The following SPOPL variants were observed in gnomAD, a reference collection of about 807,000 sequenced individuals.
The protein encoded by SPOPL is speckle-type POZ protein-like.
In SPOPL, 23 loss-of-function variants were observed where a neutral mutation model predicts 53.8. That is an observed-to-expected ratio of 0.43 (90% CI 0.31 to 0.61). SPOPL has a LOEUF of 0.61. Ranked by LOEUF, SPOPL falls within the 20% of genes least tolerant of loss-of-function variation. The pLI, the probability that SPOPL is intolerant of heterozygous loss-of-function variation, is 0.12. For missense variants in SPOPL, 442 were observed against 466.9 expected (o/e 0.95, Z 0.49); for synonymous variants, 164 against 149.7 (o/e 1.10, Z -0.70).
chr2:138,551,020 T>C lies in SPOPL; in HGVS notation c.318T>C (p.Leu106=). ...TTCGAGCAAAATTCAAATTTTCCCTTCTGAATGCTAAAAGGGAAGAAACAA... is the reference window on the plus strand; with the variant it reads ...TTCGAGCAAAATTCAAATTTTCCCTCCTGAATGCTAAAAGGGAAGAAACAA... ...SEVRAKFKFS[L]LNAKREETKA... is the part of the protein sequence containing the mutation. Residue 106 remains leucine (L), a synonymous_variant, in exon 4 of 11, where the codon CTT becomes CTC. Coordinates refer to ENST00000280098, the MANE Select transcript of SPOPL (RefSeq NM_001001664.3). 1 of 1,613,314 alleles carries C rather than the reference T, an allele frequency of 6.2e-7. No homozygotes were observed. Among genetic ancestry groups the C allele is most frequent in the Non-Finnish European group, 8.5e-7 (1 of 1,179,482 alleles).
chr2:138,529,536 T>TGCGCGCA (rs72375808), intron 1 of SPOPL, among the ~76,000 whole-genome samples: 10 of 97,586 alleles, frequency 1.0e-4, no homozygotes, highest in Non-Finnish European at 2.0e-4. Context: ...GTGTGTGTGT[T>TGCGCGCA]TGCGTGCGCG....
intron 1 of SPOPL, among the ~76,000 whole-genome samples, chr2:138,509,498 G>A (rs1558860032): frequency 6.6e-6 from 1 of 151,998 alleles, no homozygotes. Context: ...TTTCCTGTTT[G>A]GGTATGTTTT....
chr2:138,567,996 G>T lies in SPOPL; in HGVS notation c.1035-940G>T, dbSNP rs532495003. On this transcript the variant is annotated intron_variant, in intron 10 of 10. Transcript: ENST00000280098. ...ATCATGGAAGTGGGAGGTAGGAAGT[G>T]GGGGGTAGAGTAAGAAACCAAACAT... Among the ~76,000 whole-genome samples the T allele has an allele frequency of 2.2e-4, 33 of 152,200 alleles. No homozygotes were observed. In the South Asian group the frequency reaches 5.2e-3, roughly 24 times the overall value.
intron 5 of SPOPL, among the ~76,000 whole-genome samples, chr2:138,558,039 A>T (rs942891209): frequency 6.6e-6 from 1 of 152,114 alleles, no homozygotes; most frequent in Non-Finnish European, 1.5e-5. Context: ...GCACACCTGT[A>T]ATCCCAGCTA....
intron 1 of SPOPL, among the ~76,000 whole-genome samples, chr2:138,541,309 G>T (rs1432513826): frequency 6.6e-6 from 1 of 152,186 alleles, no homozygotes; most frequent in Non-Finnish European, 1.5e-5. Flanking sequence ...AGTAGTTTCA[G>T]AAGGAATGGT....
chr2:138,524,081 G>T (rs1239908821), intron 1 of SPOPL, among the ~76,000 whole-genome samples: 1 of 152,182 alleles, frequency 6.6e-6, no homozygotes. Context: ...TTTTGCCTGG[G>T]CATTCAGGTG....
intron 1 of SPOPL, among the ~76,000 whole-genome samples, chr2:138,511,619 C>T (rs1684325738): frequency 6.6e-6 from 1 of 152,012 alleles, no homozygotes. Flanking sequence ...TTTTATGTAC[C>T]GCAGAGAGAG....
chr2:138,565,235 A>G lies in SPOPL; in HGVS notation c.1034+242A>G, dbSNP rs1006971142. On this transcript the variant is annotated intron_variant, in intron 10 of 10. Transcript: ENST00000280098. ...TCTTAAGCGCATAATGCCATGTAGT[A>G]TATAGCAGAGTCCAGGTATTGCTAG... is the stretch of plus-strand genomic sequence containing the variant. Among the ~76,000 whole-genome samples the G allele has an allele frequency of 1.3e-5, 2 of 152,316 alleles. 1 individual carries two copies. The highest frequency in any genetic ancestry group is 4.8e-5 in the African/African-American group (2 of 41,576).
At chr2:138,506,509 CA>C (rs1684218605) in intron 1 of SPOPL, among the ~76,000 whole-genome samples, 1 of 152,058 alleles carries the variant, frequency 6.6e-6, no homozygotes, top group East Asian at 1.9e-4. Context: ...CCTGATTTGA[CA>C]AATAAATTTT....
At chr2:138,525,911 A>G (rs1684665427) in intron 1 of SPOPL, among the ~76,000 whole-genome samples, 1 of 151,434 alleles carries the variant, frequency 6.6e-6, no homozygotes, top group South Asian at 2.1e-4. Flanking sequence ...GGTATCATCC[A>G]TTCTCACCTT....
At chr2:138,542,518 T>C (rs1025284474) in intron 1 of SPOPL, among the ~76,000 whole-genome samples, 2 of 152,200 alleles carry the variant, frequency 1.3e-5, no homozygotes, top group Non-Finnish European at 2.9e-5. Flanking sequence ...TTGATCTTTG[T>C]TGGTTTAAAG....
intron 1 of SPOPL, among the ~76,000 whole-genome samples, chr2:138,542,180 G>A (rs1377680376): frequency 6.6e-6 from 1 of 152,212 alleles, no homozygotes. Context: ...TGGAATAAAT[G>A]TGGTGTGCTG....
chr2:138,527,009 A>G (rs532053556), intron 1 of SPOPL, among the ~76,000 whole-genome samples: 1 of 152,310 alleles, frequency 6.6e-6, no homozygotes, highest in African/African-American at 2.4e-5. Flanking sequence ...TACAGGCAGC[A>G]GCCATGGCAC....
intron 10 of SPOPL, among the ~76,000 whole-genome samples, chr2:138,567,912 G>A (rs1685698260): frequency 6.6e-6 from 1 of 152,186 alleles, no homozygotes. Context: ...ATTGTTTGGT[G>A]AGAGCATAGT....
intron 1 of SPOPL, among the ~76,000 whole-genome samples, chr2:138,504,212 T>C (rs1684165851): frequency 6.6e-6 from 1 of 152,268 alleles, no homozygotes; most frequent in Non-Finnish European, 1.5e-5. Context: ...AAATCATTCT[T>C]GTGCCACCAT....
chr2:138,541,284 T>G (rs1304042245), intron 1 of SPOPL, among the ~76,000 whole-genome samples: 2 of 152,214 alleles, frequency 1.3e-5, no homozygotes, highest in Non-Finnish European at 2.9e-5. Context: ...GATTCCCTCT[T>G]TTTCTATTGA....
chr2:138,511,818 C>G (rs998742722), intron 1 of SPOPL, among the ~76,000 whole-genome samples: 1 of 152,208 alleles, frequency 6.6e-6, no homozygotes, highest in African/African-American at 2.4e-5. Context: ...GTCTGCTTTA[C>G]TCCAGAGCTC....
At chr2:138,557,226 T>C (rs12619617) in intron 5 of SPOPL, among the ~76,000 whole-genome samples, 2 of 152,304 alleles carry the variant, frequency 1.3e-5, no homozygotes, top group East Asian at 3.9e-4. Flanking sequence ...ACAGTGTGAT[T>C]TGGAACACTT....
At chr2:138,508,390 T>C (rs539350901) in intron 1 of SPOPL, among the ~76,000 whole-genome samples, 1 of 152,322 alleles carries the variant, frequency 6.6e-6, no homozygotes, top group Non-Finnish European at 1.5e-5. Context: ...TGGAGTGCAG[T>C]GACGTGATCT....
Sources: gnomAD v4.1 joint callset for allele counts (sites outside exome capture counted in the v4.1 genomes callset) on GRCh38, gnomAD v4.1.1 for gene constraint, MANE v1.5 for transcripts, NCBI Gene and HGNC (gene_info 2026-07-23, HGNC 2026-07-21) for gene names.